The following MAFB variants were observed in gnomAD, a reference collection of about 807,000 sequenced individuals.
MAFB encodes the protein MAF bZIP transcription factor B, also known as transcription factor MafB.
A neutral mutation model predicts 17.7 loss-of-function variants in MAFB; 3 were observed. That is an observed-to-expected ratio of 0.17 (90% confidence interval 0.08 to 0.44). The LOEUF (loss-of-function observed/expected upper bound fraction) is 0.44, where lower values mean the gene tolerates loss of function less well. MAFB is among the 20% of genes least tolerant of loss of function. MAFB has a pLI of 0.99. For synonymous variants in MAFB, 214 were observed against 211.5 expected, an observed-to-expected ratio of 1.01 and a Z score of -0.10; for missense variants, 355 against 461.3, an observed-to-expected ratio of 0.77 and a Z score of 2.11.
In MAFB at chr20:40,687,625, GTC is replaced by G; in HGVS notation, c.*252_*253del. On this transcript the variant is annotated 3_prime_UTR_variant, in exon 1 of 1. Coordinates refer to ENST00000373313, the MANE Select transcript of MAFB (RefSeq NM_005461.5). ...TTACTCCGGGACCTCCCACCCTCTC[GTC>G]TCTCTCTCCGGCTCTGCTCGAGTCT... 1 of 580,762 alleles carries G rather than the reference GTC, an allele frequency of 1.7e-6. No homozygotes were observed. The highest frequency in any genetic ancestry group is 3.1e-6 in the Non-Finnish European group (1 of 327,332). 36.0% of individuals were successfully genotyped at this position (580,762 alleles called of 1,614,324 possible). A position where few individuals can be genotyped will look rare whatever the true frequency, so the allele number is the denominator to read the frequency against.
At position 40,685,910 on chromosome 20, in the gene MAFB, C is replaced by CA. The variant is rs1471253385; in HGVS notation, c.*1968dup. 2 of 182,942 alleles carry CA rather than the reference C, an allele frequency of 1.1e-5. No homozygotes were observed. Among genetic ancestry groups the CA allele is most frequent in the African/African-American group, 4.7e-5 (2 of 42,488 alleles). 11.3% of individuals were successfully genotyped at this position (182,942 alleles called of 1,614,324 possible). On this transcript the variant is annotated 3_prime_UTR_variant, in exon 1 of 1. Transcript: ENST00000373313. ...CAAAATAGGAAACCATTTTAATAAC[C>CA]AAAAAACAGAAACCAGTCTGAATAA... is the stretch of plus-strand genomic sequence containing the variant.
rs1986820275 is a variant in MAFB, at chr20:40,685,957, A to G, written c.*1922T>C. 5.4e-6 allele frequency: 1 copy of G among 186,750 alleles called. No homozygotes were observed. The highest frequency in any genetic ancestry group is 2.3e-5 in the African/African-American group (1 of 42,738). 11.6% of individuals were successfully genotyped at this position (186,750 alleles called of 1,614,324 possible). A position where few individuals can be genotyped will look rare whatever the true frequency, so the allele number is the denominator to read the frequency against. On this transcript the variant is annotated 3_prime_UTR_variant, in exon 1 of 1. Transcript: ENST00000373313. Reference sequence around the variant, plus strand: ...ATAAAACTACAATAGACTAGGTTTTAATATTTTCATATCATAAGCAGGGTT... The same window carrying G: ...ATAAAACTACAATAGACTAGGTTTTGATATTTTCATATCATAAGCAGGGTT...
At position 40,687,668 on chromosome 20, in the gene MAFB, C is replaced by T. The variant is rs1329932640; in HGVS notation, c.*211G>A. Reference sequence around the variant, plus strand: ...GCTCGAGTCTAGGAGGCGGCGCTGGCGTGCGCTACTCTCGCCTTAGCCAAG... The same window carrying T: ...GCTCGAGTCTAGGAGGCGGCGCTGGTGTGCGCTACTCTCGCCTTAGCCAAG... On this transcript the variant is annotated 3_prime_UTR_variant, in exon 1 of 1. Coordinates refer to ENST00000373313, the MANE Select transcript of MAFB (RefSeq NM_005461.5). 2.3e-5 allele frequency: 14 copies of T among 615,130 alleles called. No homozygotes were observed. Among genetic ancestry groups the T allele is most frequent in the Non-Finnish European group, 3.7e-5 (13 of 351,978 alleles). The allele number at this position is 615,130 out of a possible 1,614,324, so 38.1% of individuals were successfully genotyped here.
At position 40,687,083 on chromosome 20, in the gene MAFB, A is replaced by AC. The variant is rs1289394034; in HGVS notation, c.*795dup. 3 of 398,600 alleles carry AC rather than the reference A, an allele frequency of 7.5e-6. No homozygotes were observed. The highest frequency in any genetic ancestry group is 2.1e-5 in the African/African-American group (1 of 48,484). The allele number at this position is 398,600 out of a possible 1,614,324, so 24.7% of individuals were successfully genotyped here. A position where few individuals can be genotyped will look rare whatever the true frequency, so the allele number is the denominator to read the frequency against. ...TTACAAGCCTACAGCTGGGACTGAA[A>AC]CCCCGCACGCAGCCGCCGGAGTTTC... On this transcript the variant is annotated 3_prime_UTR_variant, in exon 1 of 1. Coordinates refer to ENST00000373313, the MANE Select transcript of MAFB (RefSeq NM_005461.5).
chr20:40,687,984 G>A lies in MAFB; in HGVS notation c.867C>T (p.Arg289=). 6.2e-7 allele frequency: 1 copy of A among 1,614,092 alleles called. No homozygotes were observed. Among genetic ancestry groups the A allele is most frequent in the Non-Finnish European group, 8.5e-7 (1 of 1,180,034 alleles). ...ACTTGACCTTGTAGGCGTCTCTCTCGCGGGCCAGCCGGGACACCTCCTGCT... is the reference window on the plus strand; with the variant it reads ...ACTTGACCTTGTAGGCGTCTCTCTCACGGGCCAGCCGGGACACCTCCTGCT... ...QLKQEVSRLA[R]ERDAYKVKCE... is the part of the protein sequence containing the mutation. Residue 289 remains arginine, a synonymous_variant, in exon 1 of 1, where the codon CGC becomes CGT. Coordinates refer to ENST00000373313, the MANE Select transcript of MAFB (RefSeq NM_005461.5).
Position 40,688,001 on chromosome 20 carries a change from C to A in MAFB, c.850G>T (p.Val284Leu). The stretch of plus-strand genomic sequence containing the variant: ...TCTCTCTCGCGGGCCAGCCGGGACA[C>A]CTCCTGCTTAAGCTGCTCCACCTGC... Reference protein sequence around the residue: ...IQQVEQLKQEVSRLARERDAY... With the variant: ...IQQVEQLKQELSRLARERDAY... Residue 284 changes from valine (V) to leucine (L), a missense_variant, in exon 1 of 1, where the codon GTG (valine) becomes TTG (leucine). Val to Leu is a conservative substitution (Grantham distance 32, BLOSUM62 1). Coordinates refer to ENST00000373313, the MANE Select transcript of MAFB (RefSeq NM_005461.5). 1 of 1,614,188 alleles carries A rather than the reference C, an allele frequency of 6.2e-7. No individual in the cohort carries two copies. The highest frequency in any genetic ancestry group is 1.1e-5 in the South Asian group (1 of 91,088).
rs1258950569 is a variant in MAFB at position 40,688,435 on chromosome 20, G to GGGTGGTGGTGAT, written c.404_415dup (p.His135_His138dup). On this transcript the variant is annotated inframe_insertion, in exon 1 of 1. Coordinates refer to ENST00000373313, the MANE Select transcript of MAFB (RefSeq NM_005461.5). The stretch of plus-strand genomic sequence containing the variant: ...GCCCGGGTACGCGTGGTGCGGGTGA[G>GGGTGGTGGTGAT]GGTGGTGGTGATGGTGGTGGTGGTG... The GGGTGGTGGTGAT allele has an allele frequency of 6.3e-7, 1 of 1,595,468 alleles. No individual in the cohort carries two copies. Among genetic ancestry groups the GGGTGGTGGTGAT allele is most frequent in the African/African-American group, 1.3e-5 (1 of 74,872 alleles).
In MAFB at chr20:40,688,388, G is replaced by A. The variant is rs781078964; in HGVS notation, c.463C>T (p.Leu155=). ...TGGTGCGGGTGAGCGTGCGGGCCCA[G>A]CTCGTCGTGGGCCACGCCGGCGCCC... ...YPGAGVAHDE[L]GPHAHPHHHH... Residue 155 remains leucine, a synonymous_variant, in exon 1 of 1, where the codon CTG becomes TTG. Transcript: ENST00000373313. The A allele has an allele frequency of 5.8e-6, 9 of 1,564,344 alleles. No individual in the cohort carries two copies. The highest frequency in any genetic ancestry group is 1.7e-5 in the Admixed American group (1 of 57,328).
Position 40,688,371 on chromosome 20 carries a change from G to A in MAFB, c.480C>T (p.His160=), listed in dbSNP as rs755086273. 6.4e-6 allele frequency: 10 copies of A among 1,550,950 alleles called. No homozygotes were observed. The highest frequency in any genetic ancestry group is 3.6e-5 in the South Asian group (3 of 82,404). The change falls in exon 1 of 1, where the codon CAC becomes CAT. Residue 160 remains histidine (H), a synonymous_variant. Transcript: ENST00000373313. ...CTTGGTGATGATGGTGATGGTGCGG[G>A]TGAGCGTGCGGGCCCAGCTCGTCGT... The part of the protein sequence containing the change: ...VAHDELGPHA[H]PHHHHHHQAS...
rs1265509172 is a variant in MAFB at position 40,688,829 on chromosome 20, C to T, written c.22G>A (p.Gly8Arg). MAAELSM[G>R]PELPTSPLAM... ...AGCGGGCTGGTGGGCAGCTCTGGCC[C>T]CATGCTCAGCTCCGCGGCCATCGCT... The change falls in exon 1 of 1, where the codon GGG becomes AGG. Residue 8 changes from glycine (G) to arginine (R), a missense_variant. Physicochemically the swap from Gly to Arg is moderately radical, Grantham distance 125. This residue lies in a region of MAFB where 285 missense variants were observed against 350.0 expected (regional missense o/e 0.81). Transcript: ENST00000373313. The T allele has an allele frequency of 1.9e-6, 3 of 1,612,146 alleles. No homozygotes were observed. The South Asian group carries it at 3.3e-5, about 18-fold the overall frequency.
chr20:40,688,491 C>A lies in MAFB; in HGVS notation c.360G>T (p.Pro120=), dbSNP rs756456686. 7 of 1,611,444 alleles carry A rather than the reference C, an allele frequency of 4.3e-6. No homozygotes were observed. The highest frequency in any genetic ancestry group is 1.7e-5 in the Admixed American group (1 of 60,010). ...CGCGAAAGCTGTCGAAGCTTTGCAG[C>A]GGCTGTGGCACTGGGTGCGAGCCGA... is the stretch of plus-strand genomic sequence containing the variant. ...ALIGSHPVPQ[P]LQSFDSFRGA... is the part of the protein sequence containing the mutation. The change falls in exon 1 of 1, where the codon CCG becomes CCT. Residue 120 remains proline, a synonymous_variant. Coordinates refer to ENST00000373313, the MANE Select transcript of MAFB (RefSeq NM_005461.5).
In MAFB at chr20:40,686,279, A is replaced by G; in HGVS notation, c.*1600T>C. 1 of 202,642 alleles carries G rather than the reference A, an allele frequency of 4.9e-6. No homozygotes were observed. The highest frequency in any genetic ancestry group is 9.2e-6 in the Non-Finnish European group (1 of 109,086). 12.6% of individuals were successfully genotyped at this position (202,642 alleles called of 1,614,324 possible). A position where few individuals can be genotyped will look rare whatever the true frequency, so the allele number is the denominator to read the frequency against. On this transcript the variant is annotated 3_prime_UTR_variant, in exon 1 of 1. Transcript: ENST00000373313. ...CAGTGCAACTTAAATCCTTTTACTG[A>G]CCTGCAGAAAAAAAAAAGTAATAAT...
chr20:40,688,280 C>G lies in MAFB; in HGVS notation c.571G>C (p.Gly191Arg). 1 of 1,544,618 alleles carries G rather than the reference C, an allele frequency of 6.5e-7. No homozygotes were observed. Among genetic ancestry groups the G allele is most frequent in the Non-Finnish European group, 8.7e-7 (1 of 1,152,004 alleles). The change falls in exon 1 of 1, where the codon GGG (glycine) becomes CGG (arginine). Residue 191 changes from glycine to arginine, a missense_variant. Around this residue, in one of 3 missense-constraint regions of MAFB, gnomAD observed 285 missense variants for 350.0 expected, o/e 0.81. Coordinates refer to ENST00000373313, the MANE Select transcript of MAFB (RefSeq NM_005461.5). ...QQLPTSHPGP[G>R]PHATASATAA... is the part of the protein sequence containing the mutation. ...GTCGCCGAGGCCGTCGCGTGCGGCC[C>G]GGGCCCGGGGTGGCTAGTGGGCAGC...
chr20:40,688,380 C>A lies in MAFB; in HGVS notation c.471G>T (p.Pro157=), dbSNP rs1241973935. Reference sequence around the variant, plus strand: ...GATGGTGATGGTGCGGGTGAGCGTGCGGGCCCAGCTCGTCGTGGGCCACGC... The same window carrying A: ...GATGGTGATGGTGCGGGTGAGCGTGAGGGCCCAGCTCGTCGTGGGCCACGC... The part of the protein sequence containing the change: ...GAGVAHDELG[P]HAHPHHHHHH... Residue 157 remains proline (P), a synonymous_variant, in exon 1 of 1, where the codon CCG becomes CCT. Transcript: ENST00000373313. 5.8e-6 allele frequency: 9 copies of A among 1,555,616 alleles called. No homozygotes were observed. The highest frequency in any genetic ancestry group is 2.3e-5 in the East Asian group (1 of 44,206).
rs532464063 is a variant in MAFB at position 40,688,938 on chromosome 20, G to A, written c.-88C>T. The A allele has an allele frequency of 1.1e-5, 17 of 1,479,162 alleles. No homozygotes were observed. In the African/African-American group the frequency reaches 1.6e-4, roughly 14 times the overall value. 91.6% of individuals were successfully genotyped at this position (1,479,162 alleles called of 1,614,324 possible). A position where few individuals can be genotyped will look rare whatever the true frequency, so the allele number is the denominator to read the frequency against. On this transcript the variant is annotated 5_prime_UTR_variant, in exon 1 of 1. Transcript: ENST00000373313. ...CGAGCCAAGCGCGGGGGGGAAGAGC[G>A]GAGAAGAGCTGGGGAGGCGGGGAGC...
chr20:40,687,877 AC>A lies in MAFB; in HGVS notation c.*1del. ...AGGGCGGGGGCCAGGACCGGCCACG[AC>A]TCACAGAAAGAACTCGGGAGAGGAG... On this transcript the variant is annotated 3_prime_UTR_variant, in exon 1 of 1. Transcript: ENST00000373313. The A allele has an allele frequency of 6.2e-7, 1 of 1,608,702 alleles. No individual in the cohort carries two copies. The highest frequency in any genetic ancestry group is 8.5e-7 in the Non-Finnish European group (1 of 1,179,796).
Position 40,686,402 on chromosome 20 carries a change from G to T in MAFB, c.*1477C>A. The T allele has an allele frequency of 3.4e-6, 1 of 295,848 alleles. No individual in the cohort carries two copies. Among genetic ancestry groups the T allele is most frequent in the East Asian group, 5.1e-5 (1 of 19,534 alleles). 18.3% of individuals were successfully genotyped at this position (295,848 alleles called of 1,614,324 possible). A position where few individuals can be genotyped will look rare whatever the true frequency, so the allele number is the denominator to read the frequency against. ...AACTCTTCCTACTATCTCAAAAGCAGGGAAAGAAACGCAATGCATTGGTCT... is the reference window on the plus strand; with the variant it reads ...AACTCTTCCTACTATCTCAAAAGCATGGAAAGAAACGCAATGCATTGGTCT... On this transcript the variant is annotated 3_prime_UTR_variant, in exon 1 of 1. Coordinates refer to ENST00000373313, the MANE Select transcript of MAFB (RefSeq NM_005461.5).
Position 40,687,054 on chromosome 20 carries a change from G to A in MAFB, c.*825C>T. ...TTCTCTATGCGGTTTGGCGGGGCGG[G>A]TATTTACAAGCCTACAGCTGGGACT... On this transcript the variant is annotated 3_prime_UTR_variant, in exon 1 of 1. Coordinates refer to ENST00000373313, the MANE Select transcript of MAFB (RefSeq NM_005461.5). The A allele has an allele frequency of 2.5e-6, 1 of 398,862 alleles. No homozygotes were observed. Among genetic ancestry groups the A allele is most frequent in the Non-Finnish European group, 4.4e-6 (1 of 226,034 alleles). The allele number at this position is 398,862 out of a possible 1,614,324, so 24.7% of individuals were successfully genotyped here.
rs753635691 is a variant in MAFB at position 40,687,986 on chromosome 20, G to T, written c.865C>A (p.Arg289Ser). 1 of 1,614,082 alleles carries T rather than the reference G, an allele frequency of 6.2e-7. No individual in the cohort carries two copies. Among genetic ancestry groups the T allele is most frequent in the Non-Finnish European group, 8.5e-7 (1 of 1,180,024 alleles). Reference sequence around the variant, plus strand: ...TTGACCTTGTAGGCGTCTCTCTCGCGGGCCAGCCGGGACACCTCCTGCTTA... The same window carrying T: ...TTGACCTTGTAGGCGTCTCTCTCGCTGGCCAGCCGGGACACCTCCTGCTTA... ...QLKQEVSRLARERDAYKVKCE... is the reference protein window; with the variant it reads ...QLKQEVSRLASERDAYKVKCE... The change falls in exon 1 of 1, where the codon CGC becomes AGC. Residue 289 changes from arginine (R) to serine (S), a missense_variant. By Grantham distance (110) the Arg-to-Ser change is moderately radical (BLOSUM62 -1). Around this residue, in one of 3 missense-constraint regions of MAFB, gnomAD observed 63 missense variants for 69.4 expected, o/e 0.91. Transcript: ENST00000373313.
Sources: allele counts gnomAD v4.1 joint callset, GRCh38; gene constraint gnomAD v4.1.1; regional missense constraint gnomAD v4.1.1; transcripts MANE v1.5; gene names NCBI Gene and HGNC (gene_info 2026-07-23, HGNC 2026-07-21).